Variants in ADCY5 observed in about 807,000 individuals in gnomAD.
The protein encoded by ADCY5 is adenylate cyclase type 5.
A neutral mutation model predicts 119.7 loss-of-function variants in ADCY5; 30 were observed. The ratio of observed to expected loss-of-function variants is 0.25; its 90% CI spans 0.19 to 0.34. The LOEUF (loss-of-function observed/expected upper bound fraction) is 0.34, where lower values mean the gene tolerates loss of function less well. ADCY5 is among the 10% of genes least tolerant of loss of function. ADCY5 has a pLI of 1.00. For missense variants in ADCY5, 1,324 were observed against 1,775.2 expected (o/e 0.75, Z 4.57); for synonymous variants, 753 against 762.2 (o/e 0.99, Z 0.20).
chr3:123,294,438 G>C (rs1939364160), intron 17 of ADCY5, among the ~76,000 whole-genome samples: 1 of 152,230 alleles, frequency 6.6e-6, no homozygotes, highest in Non-Finnish European at 1.5e-5. Flanking sequence ...GCAGATGCTG[G>C]TTGAGCAGGC....
intron 3 of ADCY5, among the ~76,000 whole-genome samples, chr3:123,339,884 C>G (rs1427431549): frequency 6.6e-6 from 1 of 152,258 alleles, no homozygotes; most frequent in Non-Finnish European, 1.5e-5. Flanking sequence ...AACTGCAAGA[C>G]CTAGCAATAG....
rs1476687771 is a variant in ADCY5 at position 123,359,331 on chromosome 3, A to AATACATATATAT, written c.1135-6751_1135-6750insATATATATGTAT. Among the ~76,000 whole-genome samples the AATACATATATAT allele has an allele frequency of 1.0e-4, 11 of 109,766 alleles. 1 individual carries two copies. Among genetic ancestry groups the AATACATATATAT allele is most frequent in the African/African-American group, 3.7e-4 (10 of 26,972 alleles). 72.0% of individuals were successfully genotyped at this position (109,766 alleles called of 152,430 possible). ...AATATTTGGGACCTACTTATACTAA[A>AATACATATATAT]ATATATATATATATATATATATATA... On this transcript the variant is annotated intron_variant, in intron 1 of 20. Transcript: ENST00000462833.
At chr3:123,309,376 C>A (rs1178535880) in intron 12 of ADCY5, among the ~76,000 whole-genome samples, 1 of 152,254 alleles carries the variant, frequency 6.6e-6, no homozygotes, top group Non-Finnish European at 1.5e-5. Flanking sequence ...CGCCAGTGCT[C>A]TCATCACTTG....
At chr3:123,319,600 C>G (rs1164391938) in intron 10 of ADCY5, 74 bp downstream of exon 10, 7 of 1,571,910 alleles carry the variant, frequency 4.5e-6, no homozygotes, top group Non-Finnish European at 6.1e-6. Flanking sequence ...TGAGGGAGCC[C>G]TCCTGTTTTC....
intron 1 of ADCY5, among the ~76,000 whole-genome samples, chr3:123,378,889 G>A (rs776339370): frequency 6.6e-6 from 1 of 152,206 alleles, no homozygotes; most frequent in Non-Finnish European, 1.5e-5. Context: ...TTAAAGAAGA[G>A]GTGAGAAATG....
At chr3:123,356,180 T>A (rs1008680326) in intron 1 of ADCY5, among the ~76,000 whole-genome samples, 9 of 152,210 alleles carry the variant, frequency 5.9e-5, no homozygotes, top group Non-Finnish European at 1.2e-4. Context: ...ATATGAGAAC[T>A]ATAGATATAA....
intron 11 of ADCY5, among the ~76,000 whole-genome samples, chr3:123,317,764 AAAG>A (rs1171378023): frequency 2.0e-5 from 3 of 151,664 alleles, no homozygotes; most frequent in Admixed American, 6.6e-5. Flanking sequence ...AAAAAAAAAA[AAAG>A]AAGCATCTTT....
intron 3 of ADCY5, among the ~76,000 whole-genome samples, chr3:123,344,401 T>C (rs1329964859): frequency 6.6e-6 from 1 of 152,206 alleles, no homozygotes; most frequent in Non-Finnish European, 1.5e-5. Context: ...ACAATAATAA[T>C]GGCAGCTCAC....
rs1296332307 is a variant in ADCY5 at position 123,448,117 on chromosome 3, A to AGCCGCC, written c.423_428dup (p.Ala143_Ala144dup). ...GCACCTCCGTCCCGCCCGCCGAGGC[A>AGCCGCC]GCCGCCGCCGCCGAGCCGCCGCCGC... On this transcript the variant is annotated inframe_insertion, in exon 1 of 21. Transcript: ENST00000462833. 2 of 1,094,104 alleles carry AGCCGCC rather than the reference A, an allele frequency of 1.8e-6. No homozygotes were observed. The highest frequency in any genetic ancestry group is 3.4e-5 in the African/African-American group (2 of 58,836). 67.8% of individuals were successfully genotyped at this position (1,094,104 alleles called of 1,614,324 possible).
chr3:123,448,330 G>C lies in ADCY5; in HGVS notation c.216C>G (p.Arg72=). The stretch of plus-strand genomic sequence containing the variant: ...GATCGTCGTCGTCGTCGCTGCGCCA[G>C]CGGCTGGCCAGGCGCTGCTGCTGCT... ...TPQQQQRLAS[R]WRSDDDDDPP... The change falls in exon 1 of 21, where the codon CGC becomes CGG. Residue 72 remains arginine (R), a synonymous_variant. Transcript: ENST00000462833. The C allele has an allele frequency of 6.5e-7, 1 of 1,534,924 alleles. No individual in the cohort carries two copies. The highest frequency in any genetic ancestry group is 1.9e-4 in the Middle Eastern group (1 of 5,244).
chr3:123,283,831 A>G lies in ADCY5; in HGVS notation c.*777T>C, dbSNP rs1321824924. On this transcript the variant is annotated 3_prime_UTR_variant, in exon 21 of 21. Transcript: ENST00000462833. ...CTTTCAATAATACAAAATAAAAAAT[A>G]CAAAAAAGACAAGTGGGGATCCCCG... 1 of 152,228 alleles carries G rather than the reference A, an allele frequency of 6.6e-6. No homozygotes were observed. The highest frequency in any genetic ancestry group is 6.5e-5 in the Admixed American group (1 of 15,280). The allele number at this position is 152,228 out of a possible 1,614,324, so 9.4% of individuals were successfully genotyped here.
chr3:123,302,842 G>A (rs991012419), intron 14 of ADCY5, among the ~76,000 whole-genome samples: 4 of 152,156 alleles, frequency 2.6e-5, no homozygotes, highest in Admixed American at 6.5e-5. Flanking sequence ...CAGCTACACC[G>A]CTTTAACAGT....
chr3:123,400,891 C>A (rs1346688285), intron 1 of ADCY5, among the ~76,000 whole-genome samples: 1 of 151,838 alleles, frequency 6.6e-6, no homozygotes. Context: ...TTGCACTGAG[C>A]CGAGATCACG....
At chr3:123,334,193 A>G (rs921033317) in intron 3 of ADCY5, among the ~76,000 whole-genome samples, 3 of 152,174 alleles carry the variant, frequency 2.0e-5, no homozygotes, top group Admixed American at 2.0e-4. Flanking sequence ...GGAGGCTTCC[A>G]ACATGTCATC....
At chr3:123,391,981 C>A (rs1404528208) in intron 1 of ADCY5, among the ~76,000 whole-genome samples, 1 of 152,196 alleles carries the variant, frequency 6.6e-6, no homozygotes, top group African/African-American at 2.4e-5. Context: ...CCTCAAAGCA[C>A]CCCCATCACA....
At chr3:123,363,545 C>T (rs142932931) in intron 1 of ADCY5, among the ~76,000 whole-genome samples, 29 of 152,222 alleles carry the variant, frequency 1.9e-4, no homozygotes, top group South Asian at 8.3e-4. Flanking sequence ...GCTTTATGTC[C>T]GAGGATGATT....
At chr3:123,418,900 C>G (rs375152708) in intron 1 of ADCY5, 1 of 152,460 alleles carries the variant, frequency 6.6e-6, no homozygotes, top group Non-Finnish European at 1.5e-5. Context: ...CCTTGGAAAG[C>G]GGGCTCCTGG....
At chr3:123,399,443 G>A (rs1054356925) in intron 1 of ADCY5, among the ~76,000 whole-genome samples, 4 of 152,020 alleles carry the variant, frequency 2.6e-5, no homozygotes, top group Admixed American at 6.5e-5. Flanking sequence ...TGTAATGAGC[G>A]TCCCATCTGA....
intron 1 of ADCY5, among the ~76,000 whole-genome samples, chr3:123,398,686 C>T (rs545386105): frequency 3.3e-5 from 5 of 152,314 alleles, no homozygotes; most frequent in African/African-American, 4.8e-5. Context: ...ATTCAAGTCA[C>T]GTACATCTCC....
Sources: gnomAD v4.1 joint callset for allele counts (sites outside exome capture counted in the v4.1 genomes callset) on GRCh38, gnomAD v4.1.1 for gene constraint, MANE v1.5 for transcripts, NCBI Gene and HGNC (gene_info 2026-07-23, HGNC 2026-07-21) for gene names.